NTRK3: variants seen among roughly 807,000 people sequenced by gnomAD.
NTRK3 encodes neurotrophic receptor tyrosine kinase 3.
In NTRK3, 24 loss-of-function variants were observed where a neutral mutation model predicts 91.7. The observed-to-expected ratio is 0.26, with a 90% confidence interval of 0.19 to 0.37. The LOEUF (loss-of-function observed/expected upper bound fraction) is 0.37. Ranked by LOEUF, NTRK3 falls within the 10% of genes least tolerant of loss-of-function variation. The pLI, the probability that NTRK3 is intolerant of heterozygous loss-of-function variation, is 1.00. For missense variants in NTRK3, 880 were observed against 1,068.9 expected, an observed-to-expected ratio of 0.82 and a Z score of 2.46; for synonymous variants, 483 against 404.0, an observed-to-expected ratio of 1.20 and a Z score of -2.34.
intron 14 of NTRK3, among the ~76,000 whole-genome samples, chr15:88,004,478 C>T (rs751411084): frequency 1.3e-5 from 2 of 152,036 alleles, no homozygotes; most frequent in Non-Finnish European, 2.9e-5. Context: ...TGGGAGAGAT[C>T]AAAAAGTATT....
chr15:88,135,316 G>C, exon 10 of NTRK3: 2 of 1,614,180 alleles, frequency 1.2e-6, no homozygotes, highest in African/African-American at 1.3e-5. Flanking sequence ...CAGCGTTGGT[G>C]GGGGGTTGCC....
intron 17 of NTRK3, among the ~76,000 whole-genome samples, chr15:87,914,390 A>G (rs1402885464): frequency 2.6e-5 from 4 of 152,192 alleles, no homozygotes; most frequent in Non-Finnish European, 5.9e-5. Flanking sequence ...TGGTGATACC[A>G]GTGCATCTTT....
chr15:88,085,840 C>T (rs190552380), intron 13 of NTRK3, among the ~76,000 whole-genome samples: 18 of 152,336 alleles, frequency 1.2e-4, no homozygotes, highest in Admixed American at 7.8e-4. Flanking sequence ...CCACAAACAT[C>T]TATTAAATGC....
intron 14 of NTRK3, among the ~76,000 whole-genome samples, chr15:87,970,878 G>T (rs1352756221): frequency 6.6e-6 from 1 of 152,152 alleles, no homozygotes; most frequent in African/African-American, 2.4e-5. Context: ...AGGCCCTGAA[G>T]CTCTGCCCAG....
chr15:87,956,377 G>A (rs150647390), intron 14 of NTRK3, among the ~76,000 whole-genome samples: 60 of 152,242 alleles, frequency 3.9e-4, no homozygotes, highest in African/African-American at 1.4e-3. Flanking sequence ...AGGTTCAAGC[G>A]TTTCTCCTGC....
At chr15:88,153,754 A>T (rs1040072382) in intron 5 of NTRK3, among the ~76,000 whole-genome samples, 9 of 151,290 alleles carry the variant, frequency 5.9e-5, no homozygotes, top group African/African-American at 1.7e-4. Flanking sequence ...TTCTCATTTA[A>T]ATCTCACATG....
chr15:88,057,514 A>G (rs2045828853), intron 13 of NTRK3, among the ~76,000 whole-genome samples: 1 of 150,190 alleles, frequency 6.7e-6, no homozygotes, highest in African/African-American at 2.4e-5. Flanking sequence ...AAAAAAAAAA[A>G]GAAAGAAATG....
chr15:88,209,178 T>A (rs1041363919), intron 3 of NTRK3, among the ~76,000 whole-genome samples: 1 of 152,224 alleles, frequency 6.6e-6, no homozygotes, highest in Admixed American at 6.5e-5. Context: ...TAGTGATATA[T>A]GCACCTTAAT....
At chr15:88,151,066 A>G (rs2043331473) in intron 5 of NTRK3, among the ~76,000 whole-genome samples, 1 of 152,066 alleles carries the variant, frequency 6.6e-6, no homozygotes, top group Non-Finnish European at 1.5e-5. Context: ...CCTCCTCCCT[A>G]ATAGATCCAT....
At chr15:87,885,461 T>C (rs1225835926) in intron 17 of NTRK3, among the ~76,000 whole-genome samples, 3 of 151,828 alleles carry the variant, frequency 2.0e-5, no homozygotes, top group Non-Finnish European at 3.0e-5. Flanking sequence ...ATACTTGAAA[T>C]AGAACAATAC....
intron 3 of NTRK3, among the ~76,000 whole-genome samples, chr15:88,214,257 A>G (rs1251153521): frequency 6.6e-6 from 1 of 152,142 alleles, no homozygotes; most frequent in African/African-American, 2.4e-5. Flanking sequence ...CAGCAGGGCC[A>G]TGCTCCCTCG....
chr15:88,112,006 A>G (rs1177098562), intron 13 of NTRK3, among the ~76,000 whole-genome samples: 1 of 151,474 alleles, frequency 6.6e-6, no homozygotes, highest in Non-Finnish European at 1.5e-5. Flanking sequence ...TCCAAGGTAC[A>G]CGCCATTCTC....
intron 14 of NTRK3, among the ~76,000 whole-genome samples, chr15:88,015,688 G>A (rs1444396644): frequency 1.3e-5 from 2 of 152,158 alleles, no homozygotes; most frequent in African/African-American, 4.8e-5. Context: ...CTCATGCGGG[G>A]ATGATGCCAC....
chr15:87,910,124 G>A (rs1411607539), intron 17 of NTRK3, among the ~76,000 whole-genome samples: 1 of 152,156 alleles, frequency 6.6e-6, no homozygotes, highest in Non-Finnish European at 1.5e-5. Context: ...AGGGGCTTCA[G>A]GACCCAGTAG....
Position 88,241,705 on chromosome 15 carries a change from G to A in NTRK3, c.248+14201C>T, listed in dbSNP as rs901724936. 1.3e-5 allele frequency among the ~76,000 whole-genome samples: 2 copies of A among 152,092 alleles called. No homozygotes were observed. Among genetic ancestry groups the A allele is most frequent in the African/African-American group, 2.4e-5 (1 of 41,424 alleles). ...ACTCTCTTCATCTGACCTGCACCTC[G>A]CCTCACCCAGGCTCACCTCCACCCA... On this transcript the variant is annotated intron_variant, in intron 3 of 18. Transcript: ENST00000394480. This position sits in a 1 kb window ranked among gnomAD's most constrained non-coding sequence, Gnocchi z 4.3.
chr15:88,026,817 A>C (rs765242637), intron 14 of NTRK3, among the ~76,000 whole-genome samples: 15 of 152,176 alleles, frequency 9.9e-5, no homozygotes, highest in Non-Finnish European at 2.1e-4. Flanking sequence ...CTGTTCTTTA[A>C]AATAAATAAA....
At chr15:88,133,104 A>C (rs774671835) in intron 10 of NTRK3, among the ~76,000 whole-genome samples, 5 of 152,140 alleles carry the variant, frequency 3.3e-5, no homozygotes, top group Non-Finnish European at 7.4e-5. Context: ...CTTAAGTTTT[A>C]ACACATTCTC....
intron 14 of NTRK3, among the ~76,000 whole-genome samples, chr15:87,966,074 T>TCAAA (rs3028147): frequency 0.083 from 12,262 of 148,514 alleles, 530 homozygotes; most frequent in Middle Eastern, 0.096. Context: ...CAAAACTGTC[T>TCAAA]CAAACAAACA....
chr15:87,954,743 A>G (rs2071493765), intron 14 of NTRK3, among the ~76,000 whole-genome samples: 1 of 152,188 alleles, frequency 6.6e-6, no homozygotes, highest in Admixed American at 6.5e-5. Flanking sequence ...TGTGTGAAAA[A>G]CCATGTCATC....
Sources: gnomAD v4.1 joint callset for allele counts (sites outside exome capture counted in the v4.1 genomes callset) on GRCh38, gnomAD v4.1.1 for gene constraint, Gnocchi (gnomAD v3.1) non-coding constraint, MANE v1.5 for transcripts, NCBI Gene and HGNC (gene_info 2026-07-23, HGNC 2026-07-21) for gene names.